PAX9: variants seen among roughly 807,000 people sequenced by gnomAD.
PAX9 encodes the protein paired box protein Pax-9.
Under a neutral mutation model 29.1 loss-of-function variants are expected in PAX9, and 6 were observed. That is an observed-to-expected ratio of 0.21 (90% CI 0.11 to 0.41). The LOEUF (loss-of-function observed/expected upper bound fraction) is 0.41. Ranked by LOEUF, PAX9 falls within the 10% of genes least tolerant of loss-of-function variation. The pLI is 1.00. For synonymous variants in PAX9, 217 were observed against 211.7 expected (o/e 1.03, Z -0.22); for missense variants, 443 against 479.1 (o/e 0.92, Z 0.70).
upstream of PAX9, among the ~76,000 whole-genome samples, chr14:36,661,427 T>G (rs986309409): frequency 2.6e-5 from 4 of 152,104 alleles, no homozygotes; most frequent in African/African-American, 9.7e-5. Flanking sequence ...CTCCTGACAG[T>G]CCCCAGAGGC....
chr14:36,677,335 T>C lies in PAX9; in HGVS notation c.*883T>C, dbSNP rs926418107. ...TCAACATCTCATGAAGGACACTTTATTTCTACAGCAGAGGACACGAAAAAC... is the reference window on the plus strand; with the variant it reads ...TCAACATCTCATGAAGGACACTTTACTTCTACAGCAGAGGACACGAAAAAC... On this transcript the variant is annotated 3_prime_UTR_variant, in exon 4 of 4. Coordinates refer to ENST00000361487, the MANE Select transcript of PAX9 (RefSeq NM_001372076.1). The C allele has an allele frequency of 3.3e-5, 5 of 152,202 alleles. No individual in the cohort carries two copies. The highest frequency in any genetic ancestry group is 7.3e-5 in the Non-Finnish European group (5 of 68,086). 9.4% of individuals were successfully genotyped at this position (152,202 alleles called of 1,614,324 possible). A position where few individuals can be genotyped will look rare whatever the true frequency, so the allele number is the denominator to read the frequency against.
rs1228186357 is a variant in PAX9 at position 36,677,127 on chromosome 14, G to A, written c.*675G>A. 6.5e-6 allele frequency: 1 copy of A among 153,318 alleles called. No homozygotes were observed. Among genetic ancestry groups the A allele is most frequent in the Non-Finnish European group, 1.5e-5 (1 of 68,862 alleles). 9.5% of individuals were successfully genotyped at this position (153,318 alleles called of 1,614,324 possible). A position where few individuals can be genotyped will look rare whatever the true frequency, so the allele number is the denominator to read the frequency against. On this transcript the variant is annotated 3_prime_UTR_variant, in exon 4 of 4. Transcript: ENST00000361487. ...TAGTTTGTAAATACGGACTCTGGAT[G>A]GTGCATTTGTGTCTTCATTCCATAA... is the stretch of plus-strand genomic sequence containing the variant.
chr14:36,666,422 G>A (rs575942326), intron 2 of PAX9, 40 bp from the exon 3 acceptor site: 2 of 1,598,806 alleles, frequency 1.3e-6, no homozygotes, highest in Admixed American at 3.4e-5. Flanking sequence ...GGGCGCGCGG[G>A]CTGGGCCTCC....
chr14:36,679,167 A>C lies in PAX9; in HGVS notation c.*2715A>C. 2.0e-6 allele frequency: 2 copies of C among 985,344 alleles called. No individual in the cohort carries two copies. Among genetic ancestry groups the C allele is most frequent in the Non-Finnish European group, 2.4e-6 (2 of 829,856 alleles). 61.0% of individuals were successfully genotyped at this position (985,344 alleles called of 1,614,324 possible). A position where few individuals can be genotyped will look rare whatever the true frequency, so the allele number is the denominator to read the frequency against. On this transcript the variant is annotated 3_prime_UTR_variant, in exon 4 of 4. Coordinates refer to ENST00000361487, the MANE Select transcript of PAX9 (RefSeq NM_001372076.1). Reference sequence around the variant, plus strand: ...TAGAATGCAGTTGTGCAACAGAGACACATTCTTATTTCTTTTTTTTCACAA... The same window carrying C: ...TAGAATGCAGTTGTGCAACAGAGACCCATTCTTATTTCTTTTTTTTCACAA...
In PAX9 at chr14:36,678,621, T is replaced by TATC. The variant is rs1882024916; in HGVS notation, c.*2171_*2173dup. The TATC allele has an allele frequency of 2.3e-6, 3 of 1,317,506 alleles. No homozygotes were observed. The highest frequency in any genetic ancestry group is 1.5e-5 in the African/African-American group (1 of 67,364). 81.6% of individuals were successfully genotyped at this position (1,317,506 alleles called of 1,614,324 possible). A position where few individuals can be genotyped will look rare whatever the true frequency, so the allele number is the denominator to read the frequency against. On this transcript the variant is annotated 3_prime_UTR_variant, in exon 4 of 4. Coordinates refer to ENST00000361487, the MANE Select transcript of PAX9 (RefSeq NM_001372076.1). ...TGATGTAAGGTACAGAACTATTCTT[T>TATC]ATCAAATGTTTTTAGGTGGCTGTTA...
chr14:36,664,112 ATGGAGGT>A (rs1881398418), intron 2 of PAX9, among the ~76,000 whole-genome samples: 1 of 152,224 alleles, frequency 6.6e-6, no homozygotes, highest in African/African-American at 2.4e-5. Context: ...TTCCTCGGAA[ATGGAGGT>A]CCCGAAGTTA....
At chr14:36,661,359 G>C (rs778354182), upstream of PAX9, among the ~76,000 whole-genome samples, 1 of 152,298 alleles carries the variant, frequency 6.6e-6, no homozygotes, top group East Asian at 1.9e-4. Flanking sequence ...TCACACCTGC[G>C]CTCTCGCCAC....
At chr14:36,659,183 G>T (rs1201201338), upstream of PAX9, among the ~76,000 whole-genome samples, 2 of 152,248 alleles carry the variant, frequency 1.3e-5, no homozygotes. Context: ...CGATCTCTTT[G>T]AGATCTTCTG....
chr14:36,678,083 T>C lies in PAX9; in HGVS notation c.*1631T>C, dbSNP rs1881988674. 5.6e-6 allele frequency: 1 copy of C among 177,408 alleles called. No homozygotes were observed. Among genetic ancestry groups the C allele is most frequent in the Admixed American group, 6.0e-5 (1 of 16,576 alleles). The allele number at this position is 177,408 out of a possible 1,614,324, so 11.0% of individuals were successfully genotyped here. ...TCTGTGCAATAACTAAAAGAGCACCTCACTGGATATGGATGTTGAAGATGG... is the reference window on the plus strand; with the variant it reads ...TCTGTGCAATAACTAAAAGAGCACCCCACTGGATATGGATGTTGAAGATGG... On this transcript the variant is annotated 3_prime_UTR_variant, in exon 4 of 4. Transcript: ENST00000361487.
Position 36,663,026 on chromosome 14 carries a change from A to G in PAX9, c.134A>G (p.Gln45Arg), listed in dbSNP as rs1424964137. The G allele has an allele frequency of 1.9e-6, 3 of 1,613,836 alleles. No individual in the cohort carries two copies. The South Asian group carries it at 3.3e-5, about 18-fold the overall frequency. Residue 45 changes from glutamine to arginine, a missense_variant, in exon 2 of 4, where the codon CAG (glutamine) becomes CGG (arginine). By Grantham distance (43) the Gln-to-Arg change is conservative. Around this residue, in one of 2 missense-constraint regions of PAX9, gnomAD observed 107 missense variants for 161.9 expected, o/e 0.66. Coordinates refer to ENST00000361487, the MANE Select transcript of PAX9 (RefSeq NM_001372076.1). Reference sequence around the variant, plus strand: ...ATCCGACCGTGTGACATCAGCCGCCAGCTACGGGTCTCGCACGGCTGCGTC... The same window carrying G: ...ATCCGACCGTGTGACATCAGCCGCCGGCTACGGGTCTCGCACGGCTGCGTC... ...LGIRPCDISRQLRVSHGCVSK... is the reference protein window; with the variant it reads ...LGIRPCDISRRLRVSHGCVSK...
At chr14:36,660,020 G>A (rs997219570), upstream of PAX9, among the ~76,000 whole-genome samples, 9 of 152,234 alleles carry the variant, frequency 5.9e-5, no homozygotes, top group African/African-American at 1.7e-4. Flanking sequence ...CAGATTTGGC[G>A]CAGAGGTCGA....
At position 36,676,650 on chromosome 14, in the gene PAX9, C is replaced by A; in HGVS notation, c.*198C>A. 1 of 648,318 alleles carries A rather than the reference C, an allele frequency of 1.5e-6. No individual in the cohort carries two copies. The highest frequency in any genetic ancestry group is 2.7e-6 in the Non-Finnish European group (1 of 369,776). The allele number at this position is 648,318 out of a possible 1,614,324, so 40.2% of individuals were successfully genotyped here. ...AACTTTTCTCTTGCAGAAAAACTGA[C>A]ATGACTTTAGGATTTAAAAACAAGA... On this transcript the variant is annotated 3_prime_UTR_variant, in exon 4 of 4. Coordinates refer to ENST00000361487, the MANE Select transcript of PAX9 (RefSeq NM_001372076.1).
At chr14:36,658,095 T>C (rs1021278337), upstream of PAX9, among the ~76,000 whole-genome samples, 1 of 152,116 alleles carries the variant, frequency 6.6e-6, no homozygotes, top group South Asian at 2.1e-4. Flanking sequence ...CACTTGCCGC[T>C]GCAGTTTCAG....
At chr14:36,666,311 C>T (rs757416096) in intron 2 of PAX9, 151 bp from the exon 3 acceptor site, 4 of 955,064 alleles carry the variant, frequency 4.2e-6, no homozygotes, top group Admixed American at 2.8e-5. Flanking sequence ...CAGGAGGTCG[C>T]GGCTGGGCCC....
chr14:36,667,598 A>C (rs142685859), intron 3 of PAX9, among the ~76,000 whole-genome samples: 11 of 152,314 alleles, frequency 7.2e-5, no homozygotes, highest in Admixed American at 1.3e-4. Context: ...TCAGCTTTTA[A>C]AATTAAGTGG....
chr14:36,662,155 G>A (rs867698165), intron 1 of PAX9, 62 bp downstream of exon 1: 2 of 1,004,446 alleles, frequency 2.0e-6, no homozygotes, highest in Middle Eastern at 3.6e-4. Flanking sequence ...AGCGGGCAAG[G>A]GAGGGAGGGA....
At chr14:36,668,498 C>T (rs767452963) in intron 3 of PAX9, among the ~76,000 whole-genome samples, 2 of 152,184 alleles carry the variant, frequency 1.3e-5, no homozygotes, top group African/African-American at 4.8e-5. Context: ...AAGCGGTTCT[C>T]CTGCCTCAGC....
rs1227614638 is a variant in PAX9 at position 36,676,762 on chromosome 14, AG to A, written c.*312del. On this transcript the variant is annotated 3_prime_UTR_variant, in exon 4 of 4. Coordinates refer to ENST00000361487, the MANE Select transcript of PAX9 (RefSeq NM_001372076.1). ...AAACCTACACCCCTCAAAGGGTTTAAGGAACTTTACAAACTAGTCTTTGGTA... is the reference window on the plus strand; with the variant it reads ...AAACCTACACCCCTCAAAGGGTTTAAGAACTTTACAAACTAGTCTTTGGTA... 4.9e-6 allele frequency: 2 copies of A among 407,046 alleles called. No homozygotes were observed. The highest frequency in any genetic ancestry group is 4.1e-5 in the African/African-American group (2 of 49,302). The allele number at this position is 407,046 out of a possible 1,614,324, so 25.2% of individuals were successfully genotyped here. A position where few individuals can be genotyped will look rare whatever the true frequency, so the allele number is the denominator to read the frequency against.
chr14:36,670,829 C>T (rs1881670554), intron 3 of PAX9, among the ~76,000 whole-genome samples: 1 of 151,936 alleles, frequency 6.6e-6, no homozygotes, highest in South Asian at 2.1e-4. Flanking sequence ...TTTAGAAAAG[C>T]TTTTAAATAG....
Sources: allele counts gnomAD v4.1 joint callset (sites outside exome capture counted in the v4.1 genomes callset), GRCh38; gene constraint gnomAD v4.1.1; regional missense constraint gnomAD v4.1.1; transcripts MANE v1.5; gene names NCBI Gene and HGNC (gene_info 2026-07-23, HGNC 2026-07-21).